The following FHIT variants were observed in gnomAD, a reference collection of about 807,000 sequenced individuals.
The protein encoded by FHIT is bis(5'-adenosyl)-triphosphatase.
In FHIT, 19 loss-of-function variants were observed where a neutral mutation model predicts 17.9. The observed-to-expected ratio is 1.06, with a 90% CI of 0.74 to 1.56. FHIT has a LOEUF of 1.56. Among genes scored for constraint, FHIT ranks in the 40% most tolerant of loss-of-function variants. FHIT has a pLI of 0.00. For missense variants in FHIT, 248 were observed against 189.2 expected, an observed-to-expected ratio of 1.31 and a Z score of -1.82; for synonymous variants, 81 against 69.7, an observed-to-expected ratio of 1.16 and a Z score of -0.81.
At chr3:60,820,199 T>C (rs2106761780) in intron 4 of FHIT, among the ~76,000 whole-genome samples, 1 of 152,072 alleles carries the variant, frequency 6.6e-6, no homozygotes, top group Middle Eastern at 3.4e-3. Flanking sequence ...TCCCAGCTAC[T>C]TGGGAGGCTG....
chr3:59,910,556 C>T (rs1331014807), intron 8 of FHIT, among the ~76,000 whole-genome samples: 2 of 152,118 alleles, frequency 1.3e-5, no homozygotes, highest in African/African-American at 4.8e-5. Context: ...TCTCATCTCT[C>T]ATGGCTAGGA....
chr3:59,855,692 C>T (rs1702125218), intron 8 of FHIT, among the ~76,000 whole-genome samples: 1 of 150,428 alleles, frequency 6.6e-6, no homozygotes. Flanking sequence ...AATATGAGCA[C>T]AAATTGATGA....
chr3:61,143,774 G>C (rs373786520), intron 2 of FHIT, among the ~76,000 whole-genome samples: 19 of 152,290 alleles, frequency 1.2e-4, no homozygotes, highest in Non-Finnish European at 2.4e-4. Context: ...ACTGAGACAG[G>C]AGAATTGCTT....
chr3:60,122,476 G>C (rs1705304302), intron 5 of FHIT, among the ~76,000 whole-genome samples: 1 of 152,124 alleles, frequency 6.6e-6, no homozygotes, highest in African/African-American at 2.4e-5. Context: ...TGAACGTCTT[G>C]GAACTCGAAC....
intron 3 of FHIT, among the ~76,000 whole-genome samples, chr3:60,977,132 C>A (rs551005198): frequency 1.3e-5 from 2 of 152,274 alleles, no homozygotes; most frequent in South Asian, 4.1e-4. Context: ...ATTCTTTTGT[C>A]TTCTTTCTGC....
chr3:61,014,704 C>CA (rs2031984011), intron 3 of FHIT, among the ~76,000 whole-genome samples: 1 of 143,846 alleles, frequency 7.0e-6, no homozygotes, highest in African/African-American at 2.6e-5. Context: ...GGCGTGAACC[C>CA]AGGAGGCGGA....
At chr3:60,324,788 A>T (rs1212065631) in intron 5 of FHIT, among the ~76,000 whole-genome samples, 1 of 152,076 alleles carries the variant, frequency 6.6e-6, no homozygotes, top group Non-Finnish European at 1.5e-5. Flanking sequence ...ATCACTTTTA[A>T]CCCTCTTCTC....
intron 5 of FHIT, among the ~76,000 whole-genome samples, chr3:60,065,092 T>C (rs765404500): frequency 2.0e-5 from 3 of 152,098 alleles, no homozygotes; most frequent in African/African-American, 7.2e-5. Flanking sequence ...GGACATAAAT[T>C]GGGCAAAGAG....
chr3:60,793,625 G>A (rs185543612), intron 4 of FHIT, among the ~76,000 whole-genome samples: 1 of 152,310 alleles, frequency 6.6e-6, no homozygotes, highest in East Asian at 1.9e-4. Flanking sequence ...GTTTCTTAAG[G>A]AAGGGCTTCC....
chr3:60,152,390 C>G (rs528447744), intron 5 of FHIT, among the ~76,000 whole-genome samples: 1 of 152,180 alleles, frequency 6.6e-6, no homozygotes, highest in African/African-American at 2.4e-5. Context: ...ATGTGATGCA[C>G]TAACCAGAGA....
chr3:60,820,909 A>G (rs1701902278), intron 4 of FHIT, among the ~76,000 whole-genome samples: 1 of 152,150 alleles, frequency 6.6e-6, no homozygotes, highest in South Asian at 2.1e-4. Flanking sequence ...ACATGAGCAC[A>G]GTCCCCTGAC....
intron 5 of FHIT, among the ~76,000 whole-genome samples, chr3:60,332,554 T>A (rs994875754): frequency 3.9e-5 from 6 of 152,150 alleles, no homozygotes; most frequent in Admixed American, 2.0e-4. Context: ...TAGGAATGGG[T>A]GTTAACCATC....
intron 5 of FHIT, among the ~76,000 whole-genome samples, chr3:60,186,956 C>T (rs758472644): frequency 6.6e-6 from 1 of 152,002 alleles, no homozygotes; most frequent in African/African-American, 2.4e-5. Context: ...CTTATTAAAG[C>T]TTTGTGATTA....
chr3:60,008,477 C>CA (rs1179963182), intron 7 of FHIT, among the ~76,000 whole-genome samples: 18 of 152,064 alleles, frequency 1.2e-4, no homozygotes, highest in Middle Eastern at 3.4e-3. Context: ...GCCCCTGAAA[C>CA]AAAAAAACCC....
intron 5 of FHIT, among the ~76,000 whole-genome samples, chr3:60,406,547 G>A (rs546292817): frequency 2.7e-4 from 41 of 152,150 alleles, no homozygotes; most frequent in Admixed American, 1.4e-3. Flanking sequence ...TTTCTTTATC[G>A]TTTGCTTTCA....
intron 5 of FHIT, among the ~76,000 whole-genome samples, chr3:60,471,968 A>T (rs1054279433): frequency 1.3e-5 from 2 of 152,162 alleles, no homozygotes. Flanking sequence ...TATTAACCTA[A>T]TTGCATGCCA....
At chr3:59,995,850 G>C (rs1484566117) in intron 7 of FHIT, among the ~76,000 whole-genome samples, 1 of 148,278 alleles carries the variant, frequency 6.7e-6, no homozygotes, top group Non-Finnish European at 1.5e-5. Context: ...ACATTAGTAA[G>C]TCTGGGCCCA....
intron 2 of FHIT, among the ~76,000 whole-genome samples, chr3:61,128,330 G>A (rs1055228376): frequency 2.6e-5 from 4 of 152,098 alleles, no homozygotes; most frequent in African/African-American, 4.8e-5. Flanking sequence ...TAACATCCCC[G>A]ATCCTCTATT....
intron 2 of FHIT, among the ~76,000 whole-genome samples, chr3:61,149,693 C>G (rs1267823007): frequency 1.3e-5 from 2 of 151,660 alleles, no homozygotes; most frequent in Non-Finnish European, 2.9e-5. Context: ...GCCTCAGCAA[C>G]ATAGTGAGAT....
Sources: gnomAD v4.1 joint callset for allele counts (sites outside exome capture counted in the v4.1 genomes callset) on GRCh38, gnomAD v4.1.1 for gene constraint, MANE v1.5 for transcripts, NCBI Gene and HGNC (gene_info 2026-07-23, HGNC 2026-07-21) for gene names.